Variants in STAT5B observed in about 807,000 individuals in gnomAD.
STAT5B encodes transcription factor STAT5B.
Under a neutral mutation model 107.8 loss-of-function variants are expected in STAT5B, and 21 were observed. That is an observed-to-expected ratio of 0.19 (90% CI 0.14 to 0.28). The LOEUF is 0.28. Among genes scored for constraint, STAT5B ranks in the 10% least tolerant of loss-of-function variants. The pLI is 1.00. For missense variants in STAT5B, 565 were observed against 1,008.2 expected (o/e 0.56, Z 5.95); for synonymous variants, 325 against 401.7 (o/e 0.81, Z 2.28).
intron 5 of STAT5B, among the ~76,000 whole-genome samples, chr17:42,222,044 G>A (rs2080232444): frequency 6.9e-6 from 1 of 145,842 alleles, no homozygotes; most frequent in South Asian, 2.2e-4. Flanking sequence ...TGGTGTGTGT[G>A]TGCTGTGTGT....
rs772239606 is a variant in STAT5B at position 42,212,173 on chromosome 17, G to C, written c.1491C>G (p.Ala497=). The change falls in exon 13 of 19, where the codon GCC becomes GCG. Residue 497 remains alanine (A), a synonymous_variant. Transcript: ENST00000293328. The part of the protein sequence containing the change: ...AFAEPGRVPF[A]VPDKVLWPQL... ...GTGGCCACAGCACTTTGTCAGGCAC[G>C]GCAAATGGCACCCTGCCCTGAGAGG... The C allele has an allele frequency of 2.7e-5, 44 of 1,614,132 alleles. No individual in the cohort carries two copies. The highest frequency in any genetic ancestry group is 3.6e-5 in the Non-Finnish European group (43 of 1,180,034).
intron 12 of STAT5B, among the ~76,000 whole-genome samples, chr17:42,215,400 T>C (rs557885469): frequency 6.6e-6 from 1 of 152,134 alleles, no homozygotes; most frequent in Non-Finnish European, 1.5e-5. Context: ...TAATTTAATC[T>C]TCCTAACAAT....
chr17:42,235,587 C>T (rs1271865149), intron 1 of STAT5B: 1 of 151,994 alleles, frequency 6.6e-6, no homozygotes, highest in East Asian at 1.9e-4. Context: ...AAGCAATTCT[C>T]CTGCCTCAGC....
At chr17:42,281,938 C>T in the STAT5B span, among the ~76,000 whole-genome samples, 1 of 152,144 alleles carries the variant, frequency 6.6e-6, no homozygotes, top group African/African-American at 2.4e-5. Context: ...AGGTTAAGAA[C>T]TCAAAATTCA....
intron 1 of STAT5B, among the ~76,000 whole-genome samples, chr17:42,240,616 A>G (rs1212122792): frequency 6.6e-6 from 1 of 152,172 alleles, no homozygotes; most frequent in Non-Finnish European, 1.5e-5. Flanking sequence ...TGAATTTTAT[A>G]GTGCGTGATT....
chr17:42,219,869 C>G, intron 5 of STAT5B, 27 bp from the exon 6 acceptor site: 1 of 1,614,072 alleles, frequency 6.2e-7, no homozygotes, highest in Non-Finnish European at 8.5e-7. Flanking sequence ...GAAACCATGA[C>G]CATCACCTCC....
At chr17:42,280,108 A>G (rs2080789601), upstream of STAT5B, among the ~76,000 whole-genome samples, 1 of 151,994 alleles carries the variant, frequency 6.6e-6, no homozygotes, top group Non-Finnish European at 1.5e-5. Context: ...GACATGACAG[A>G]AAGAAAGAAA....
At chr17:42,220,018 G>A (rs1267205048) in intron 5 of STAT5B, among the ~76,000 whole-genome samples, 176 bp from the exon 6 acceptor site, 5 of 152,210 alleles carry the variant, frequency 3.3e-5, no homozygotes, top group East Asian at 1.9e-4. Context: ...CCCAGGAGGC[G>A]CCTCTGGGCC....
intron 12 of STAT5B, among the ~76,000 whole-genome samples, chr17:42,215,770 C>T (rs2080165845): frequency 6.6e-6 from 1 of 152,082 alleles, no homozygotes; most frequent in Admixed American, 6.6e-5. Context: ...AGGCATGTGC[C>T]ACCACACCCA....
chr17:42,221,525 C>A (rs1252871261), intron 5 of STAT5B, among the ~76,000 whole-genome samples: 1 of 152,222 alleles, frequency 6.6e-6, no homozygotes, highest in African/African-American at 2.4e-5. Context: ...TGAATCCAAA[C>A]CTAATCCGCC....
intron 9 of STAT5B, chr17:42,217,782 G>A (rs966971223): frequency 2.3e-6 from 1 of 443,534 alleles, no homozygotes. Flanking sequence ...TCAGCTCACT[G>A]CAATCTCTGC....
chr17:42,287,118 A>G, the STAT5B span, among the ~76,000 whole-genome samples: 1 of 151,856 alleles, frequency 6.6e-6, no homozygotes, highest in Admixed American at 6.5e-5. Context: ...TTTCCTCGTG[A>G]TCCTGCCAAC....
intron 4 of STAT5B, 23 bp downstream of exon 4, chr17:42,224,756 C>G (rs754341722): frequency 1.1e-5 from 18 of 1,612,830 alleles, no homozygotes; most frequent in Non-Finnish European, 1.5e-5. Context: ...CGACTGCCCT[C>G]CCCATCCCTA....
intron 2 of STAT5B, among the ~76,000 whole-genome samples, chr17:42,230,482 CA>C (rs2080308724): frequency 6.6e-6 from 1 of 151,980 alleles, no homozygotes; most frequent in South Asian, 2.1e-4. Context: ...ATAATGATAC[CA>C]ATTAAAAACC....
chr17:42,287,919 T>A, the STAT5B span: 1 of 152,274 alleles, frequency 6.6e-6, no homozygotes, highest in Non-Finnish European at 1.5e-5. Flanking sequence ...GGGGTGATCT[T>A]GGCTTCACTA....
At chr17:42,202,118 T>C (rs1316304393) in intron 18 of STAT5B, 4 of 648,828 alleles carry the variant, frequency 6.2e-6, no homozygotes, top group Non-Finnish European at 1.1e-5. Flanking sequence ...AAAATCTCCA[T>C]ATTGAGAGAG....
At chr17:42,287,806 G>C in the STAT5B span, 1 of 152,378 alleles carries the variant, frequency 6.6e-6, no homozygotes, top group African/African-American at 2.4e-5. Context: ...TGTGGAGAGG[G>C]GGAGGGCTGA....
At chr17:42,271,585 A>AG (rs1053669791) in intron 1 of STAT5B, 2 of 151,878 alleles carry the variant, frequency 1.3e-5, no homozygotes, top group Non-Finnish European at 2.9e-5. Flanking sequence ...AAATTTTTAA[A>AG]AGGTTATTCA....
intron 7 of STAT5B, among the ~76,000 whole-genome samples, 175 bp from the exon 8 acceptor site, chr17:42,219,053 G>A (rs529845757): frequency 2.0e-5 from 3 of 152,128 alleles, no homozygotes; most frequent in African/African-American, 7.2e-5. Context: ...CAGGAGGGGC[G>A]ACCCTGACTA....
Sources: gnomAD v4.1 joint callset for allele counts (sites outside exome capture counted in the v4.1 genomes callset) on GRCh38, gnomAD v4.1.1 for gene constraint, MANE v1.5 for transcripts, NCBI Gene and HGNC (gene_info 2026-07-23, HGNC 2026-07-21) for gene names.